The following LNX2 variants were observed in gnomAD, a reference collection of about 807,000 sequenced individuals.
The protein encoded by LNX2 is ligand of numb-protein X 2, also known as ligand of Numb protein X 2.
In LNX2, 35 loss-of-function variants were observed where a neutral mutation model predicts 66.2. The ratio of observed to expected loss-of-function variants is 0.53; its 90% CI spans 0.40 to 0.70. LNX2 has a LOEUF of 0.70. Ranked by LOEUF, LNX2 falls within the 30% of genes least tolerant of loss-of-function variation. The pLI is 0.00. For missense variants in LNX2, 791 were observed against 850.8 expected, an observed-to-expected ratio of 0.93 and a Z score of 0.87; for synonymous variants, 337 against 315.6, an observed-to-expected ratio of 1.07 and a Z score of -0.72.
At chr13:27,598,811 GTATA>G (rs934659820) in intron 1 of LNX2, among the ~76,000 whole-genome samples, 1 of 151,960 alleles carries the variant, frequency 6.6e-6, no homozygotes, top group Non-Finnish European at 1.5e-5. Flanking sequence ...CACATATACA[GTATA>G]TATATACACA....
intron 1 of LNX2, among the ~76,000 whole-genome samples, chr13:27,604,891 CCTA>C (rs1955697706): frequency 6.8e-6 from 1 of 146,896 alleles, no homozygotes; most frequent in African/African-American, 2.5e-5. Flanking sequence ...TTGGTGCTGA[CCTA>C]CTGAATTTTA....
In LNX2 at chr13:27,562,636, C is replaced by T. The variant is rs1042027985; in HGVS notation, c.1001G>A (p.Arg334Gln). ...AAGAGCCACTTGGAAAATCTCTTCT[C>T]GTGGAGAGTTACTATCAGAATGGTT... Reference protein sequence around the residue: ...AHNHSDSNSPREEIFQVALHK... With the variant: ...AHNHSDSNSPQEEIFQVALHK... The change falls in exon 5 of 10, where the codon CGA becomes CAA. Residue 334 changes from arginine (R) to glutamine (Q), a missense_variant. Coordinates refer to ENST00000316334, the MANE Select transcript of LNX2 (RefSeq NM_153371.4). 6.2e-6 allele frequency: 10 copies of T among 1,614,118 alleles called. No homozygotes were observed. Among genetic ancestry groups the T allele is most frequent in the South Asian group, 4.4e-5 (4 of 91,074 alleles).
chr13:27,551,522 T>C (rs950411742), intron 8 of LNX2, among the ~76,000 whole-genome samples: 35 of 151,872 alleles, frequency 2.3e-4, no homozygotes, highest in African/African-American at 8.5e-4. Flanking sequence ...AAACTCTTCA[T>C]AATAAATAAA....
intron 1 of LNX2, among the ~76,000 whole-genome samples, chr13:27,590,252 A>T (rs1036818225): frequency 3.3e-5 from 5 of 150,726 alleles, no homozygotes; most frequent in African/African-American, 7.3e-5. Context: ...TTATTTATTT[A>T]TTTTTTGAGT....
At chr13:27,560,565 G>GCA (rs1242930383) in intron 5 of LNX2, among the ~76,000 whole-genome samples, 2 of 119,966 alleles carry the variant, frequency 1.7e-5, no homozygotes, top group Non-Finnish European at 3.5e-5. Context: ...ATGTATGTGT[G>GCA]TATATATATA....
chr13:27,553,417 G>A lies in LNX2; in HGVS notation c.1569C>T (p.Asn523=), dbSNP rs574252745. 28 of 1,613,796 alleles carry A rather than the reference G, an allele frequency of 1.7e-5. No individual in the cohort carries two copies. The highest frequency in any genetic ancestry group is 6.7e-5 in the African/African-American group (5 of 74,888). Residue 523 remains asparagine, a synonymous_variant, in exon 8 of 10, where the codon AAC becomes AAT. Coordinates refer to ENST00000316334, the MANE Select transcript of LNX2 (RefSeq NM_153371.4). ...IKRGDVLLNI[N]GIDLTNLSHS... is the part of the protein sequence containing the mutation. ...GACTTAAATTGGTCAAATCAATGCC[G>A]TTGATATTTAGCAACACATCACCTG...
chr13:27,599,639 A>G (rs974596303), intron 1 of LNX2, among the ~76,000 whole-genome samples: 39 of 152,218 alleles, frequency 2.6e-4, no homozygotes, highest in African/African-American at 8.2e-4. Context: ...AGGAATAGAC[A>G]ATATAAAGTA....
At chr13:27,580,129 T>C (rs1484169627) in intron 2 of LNX2, among the ~76,000 whole-genome samples, 1 of 152,138 alleles carries the variant, frequency 6.6e-6, no homozygotes, top group Non-Finnish European at 1.5e-5. Flanking sequence ...AAAATGAATG[T>C]GTATTTCATG....
intron 1 of LNX2, among the ~76,000 whole-genome samples, chr13:27,590,035 C>T (rs1015024283): frequency 2.4e-4 from 37 of 151,246 alleles, no homozygotes; most frequent in African/African-American, 7.8e-4. Context: ...CTGCAAGCTC[C>T]GCCTCCCGGG....
intron 1 of LNX2, among the ~76,000 whole-genome samples, chr13:27,586,172 C>A (rs1327736081): frequency 6.6e-6 from 1 of 151,384 alleles, no homozygotes; most frequent in Admixed American, 6.6e-5. Flanking sequence ...ATCATAGGTG[C>A]AATGTAAGTG....
chr13:27,550,472 C>A lies in LNX2; in HGVS notation c.1798G>T (p.Asp600Tyr), dbSNP rs541323662. The change falls in exon 9 of 10, where the codon GAT becomes TAT. Residue 600 changes from aspartate (D) to tyrosine (Y), a missense_variant. Asp to Tyr is a radical substitution (Grantham distance 160). Transcript: ENST00000316334. ...AAGTAACTTCTTCGTAAAACTATAT[C>A]GTGGCAGCTATGAAGTGTGCTATAA... ...GLPSTLHSCH[D>Y]IVLRRSYLGS... 2 of 1,613,554 alleles carry A rather than the reference C, an allele frequency of 1.2e-6. No homozygotes were observed. Among genetic ancestry groups the A allele is most frequent in the Non-Finnish European group, 1.7e-6 (2 of 1,179,742 alleles).
At chr13:27,613,333 G>A (rs376964009) in intron 1 of LNX2, among the ~76,000 whole-genome samples, 33 of 152,012 alleles carry the variant, frequency 2.2e-4, no homozygotes, top group African/African-American at 8.0e-4. Context: ...GAGGGGGAGG[G>A]GGCACTCTAA....
At chr13:27,564,601 C>G (rs1647858973) in intron 4 of LNX2, among the ~76,000 whole-genome samples, 2 of 151,954 alleles carry the variant, frequency 1.3e-5, no homozygotes, top group Admixed American at 1.3e-4. Context: ...ATATGGTTCT[C>G]CTTTTCAAAG....
chr13:27,606,716 G>A lies in LNX2; in HGVS notation c.-101+13659C>T, dbSNP rs554586513. Among the ~76,000 whole-genome samples, 24 of 152,200 alleles carry A rather than the reference G, an allele frequency of 1.6e-4. No homozygotes were observed. In the South Asian group the frequency reaches 4.8e-3, roughly 30 times the overall value. On this transcript the variant is annotated intron_variant, in intron 1 of 9. Coordinates refer to ENST00000316334, the MANE Select transcript of LNX2 (RefSeq NM_153371.4). Reference sequence around the variant, plus strand: ...AACTCCAGGCGAACCAGGTAGCTGGGGTGAAGAGCTCACCTCAGGCTTGTT... The same window carrying A: ...AACTCCAGGCGAACCAGGTAGCTGGAGTGAAGAGCTCACCTCAGGCTTGTT...
upstream of LNX2, chr13:27,620,949 A>G (rs1464879958): frequency 2.6e-5 from 4 of 152,938 alleles, no homozygotes; most frequent in Non-Finnish European, 5.8e-5. Flanking sequence ...GCAGGGAAGC[A>G]GAAACGTAGT....
chr13:27,583,217 T>TAGAGCAGCA (rs1566124716), intron 1 of LNX2, among the ~76,000 whole-genome samples: 2 of 21,020 alleles, frequency 9.5e-5, no homozygotes, highest in Admixed American at 9.8e-4. Context: ...TGTGTGTGTG[T>TAGAGCAGCA]GTGTGTGTGT....
At chr13:27,576,025 A>G (rs944033801) in intron 2 of LNX2, among the ~76,000 whole-genome samples, 2 of 152,186 alleles carry the variant, frequency 1.3e-5, no homozygotes, top group Non-Finnish European at 2.9e-5. Context: ...TCCCAATAAA[A>G]AGTCAGTGAC....
intron 4 of LNX2, 129 bp from the exon 5 acceptor site, chr13:27,562,910 A>G: frequency 1.1e-6 from 1 of 909,986 alleles, no homozygotes; most frequent in Non-Finnish European, 1.7e-6. Flanking sequence ...AATGCTATAC[A>G]ATCATTATTT....
At chr13:27,594,725 TCA>T (rs1273755776) in intron 1 of LNX2, among the ~76,000 whole-genome samples, 1 of 152,096 alleles carries the variant, frequency 6.6e-6, no homozygotes, top group Non-Finnish European at 1.5e-5. Flanking sequence ...ATTCCCAGTA[TCA>T]CATAATTAGA....
Sources: allele counts gnomAD v4.1 joint callset (sites outside exome capture counted in the v4.1 genomes callset), GRCh38; gene constraint gnomAD v4.1.1; transcripts MANE v1.5; gene names NCBI Gene and HGNC (gene_info 2026-07-23, HGNC 2026-07-21).